The following TPR variants were observed in gnomAD, a reference collection of about 807,000 sequenced individuals.
The protein encoded by TPR is nucleoprotein TPR.
Under a neutral mutation model 316.1 loss-of-function variants are expected in TPR, and 51 were observed. That is an observed-to-expected ratio of 0.16 (90% CI 0.13 to 0.20). The LOEUF (loss-of-function observed/expected upper bound fraction) is 0.20, where lower values mean the gene tolerates loss of function less well. TPR is among the 10% of genes least tolerant of loss of function. The probability of loss-of-function intolerance (pLI) is 1.00; values close to 1 mark genes in which losing one functional copy is unlikely to be tolerated. For missense variants in TPR, 2,272 were observed against 2,754.8 expected, an observed-to-expected ratio of 0.82 and a Z score of 3.92; for synonymous variants, 981 against 914.7, an observed-to-expected ratio of 1.07 and a Z score of -1.31.
In TPR at chr1:186,347,444, T is replaced by C. The variant is rs762908529; in HGVS notation, c.2791A>G (p.Lys931Glu). 1.2e-6 allele frequency: 2 copies of C among 1,613,818 alleles called. No individual in the cohort carries two copies. The highest frequency in any genetic ancestry group is 2.7e-5 in the African/African-American group (2 of 74,932). ...CTCACAAGATCATCCACATCTTCTTTGTTGCTAGGCTGACCTAAAAGACAT... is the reference window on the plus strand; with the variant it reads ...CTCACAAGATCATCCACATCTTCTTCGTTGCTAGGCTGACCTAAAAGACAT... ...QRTGKGQPSN[K>E]EDVDDLVSQL... Residue 931 changes from lysine (K) to glutamate (E), a missense_variant, in exon 22 of 51, where the codon AAA becomes GAA. Lys to Glu is a moderately conservative substitution (Grantham distance 56, BLOSUM62 1). This residue lies in a region of TPR where 757 missense variants were observed against 859.8 expected (regional missense o/e 0.88). Transcript: ENST00000367478.
At position 186,312,158 on chromosome 1, in the gene TPR, ATTCT is replaced by A. The variant is rs749492772; in HGVS notation, c.*1809_*1812del. 6.2e-7 allele frequency: 1 copy of A among 1,609,484 alleles called. No homozygotes were observed. Among genetic ancestry groups the A allele is most frequent in the South Asian group, 1.1e-5 (1 of 90,986 alleles). On this transcript the variant is annotated 3_prime_UTR_variant, in exon 51 of 51. Transcript: ENST00000367478. ...AATTAATTTTCATTTTCCATGTGAT[ATTCT>A]AATACATAACAGGTGGCAGCATTCA...
chr1:186,326,710 T>C (rs1481845109), intron 40 of TPR, among the ~76,000 whole-genome samples: 4 of 151,286 alleles, frequency 2.6e-5, no homozygotes, highest in Non-Finnish European at 5.9e-5. Flanking sequence ...AAATGAACTA[T>C]GGGGCTCCAA....
intron 35 of TPR, 72 bp downstream of exon 35, chr1:186,334,996 A>C (rs890437645): frequency 6.8e-7 from 1 of 1,475,850 alleles, no homozygotes. Flanking sequence ...CTTTTTCCTA[A>C]ACAGAAAGAT....
chr1:186,365,269 T>C (rs1659310778), intron 4 of TPR, among the ~76,000 whole-genome samples: 1 of 152,104 alleles, frequency 6.6e-6, no homozygotes, highest in South Asian at 2.1e-4. Flanking sequence ...CTAATTTTTG[T>C]ATTTTTAGTA....
Position 186,362,321 on chromosome 1 carries a change from C to T in TPR, c.756G>A (p.Lys252=). 3 of 1,612,368 alleles carry T rather than the reference C, an allele frequency of 1.9e-6. No homozygotes were observed. The highest frequency in any genetic ancestry group is 1.7e-6 in the Non-Finnish European group (2 of 1,178,854). The change falls in exon 7 of 51, where the codon AAG becomes AAA. Residue 252 remains lysine (K), a synonymous_variant. Coordinates refer to ENST00000367478, the MANE Select transcript of TPR (RefSeq NM_003292.3). ...ATTTGGTCAACAGATCCTCCACATG[C>T]TTTTGAAGATGTTCATTTGATGTTT... is the stretch of plus-strand genomic sequence containing the variant. ...GLKTSNEHLQ[K]HVEDLLTKLK...
intron 40 of TPR, among the ~76,000 whole-genome samples, chr1:186,327,060 A>G (rs868641265): frequency 1.2e-4 from 1 of 8,482 alleles, no homozygotes; most frequent in Admixed American, 1.5e-3. Flanking sequence ...TAACATATAT[A>G]TTATATATAA....
At chr1:186,349,296 T>C (rs1658774358) in intron 21 of TPR, among the ~76,000 whole-genome samples, 2 of 152,120 alleles carry the variant, frequency 1.3e-5, no homozygotes, top group South Asian at 2.1e-4. Context: ...GCACCACAGG[T>C]TGAAAAACTG....
rs979302942 is a variant in TPR, at chr1:186,369,133, C to T, written c.331-1151G>A. Among the ~76,000 whole-genome samples, 3 of 152,210 alleles carry T rather than the reference C, an allele frequency of 2.0e-5. No individual in the cohort carries two copies. The South Asian group carries it at 6.2e-4, about 32-fold the overall frequency. On this transcript the variant is annotated intron_variant, in intron 3 of 50. Coordinates refer to ENST00000367478, the MANE Select transcript of TPR (RefSeq NM_003292.3). ...TTTCTGTTTTTATGTCAGTACTGTA[C>T]TATTTGGATTACTATAGTTTTATAA...
intron 39 of TPR, among the ~76,000 whole-genome samples, chr1:186,330,033 T>C (rs1473979769): frequency 6.6e-6 from 1 of 152,092 alleles, no homozygotes; most frequent in Non-Finnish European, 1.5e-5. Flanking sequence ...AGTTAATAAA[T>C]AAAAATTTCT....
chr1:186,355,527 T>A lies in TPR; in HGVS notation c.2054A>T (p.Glu685Val). The change falls in exon 17 of 51, where the codon GAA becomes GTA. Residue 685 changes from glutamate (E) to valine (V), a missense_variant. By Grantham distance (121) the Glu-to-Val change is moderately radical (BLOSUM62 -2). This residue lies in a region of TPR where 757 missense variants were observed against 859.8 expected (regional missense o/e 0.88). Coordinates refer to ENST00000367478, the MANE Select transcript of TPR (RefSeq NM_003292.3). ...LQEIFENYKK[E>V]KAENEKIQNE... ...TTGTATTTTTTCATTTTCTGCTTTT[T>A]CTTTTTTGTAGTTCTCAAAAATTTC... 6.2e-7 allele frequency: 1 copy of A among 1,612,704 alleles called. No individual in the cohort carries two copies. Among genetic ancestry groups the A allele is most frequent in the Non-Finnish European group, 8.5e-7 (1 of 1,179,784 alleles).
rs551451343 is a variant in TPR at position 186,346,887 on chromosome 1, T to C, written c.2943+405A>G. Among the ~76,000 whole-genome samples, 6 of 152,322 alleles carry C rather than the reference T, an allele frequency of 3.9e-5. No individual in the cohort carries two copies. In the South Asian group the frequency reaches 1.2e-3, roughly 32 times the overall value. On this transcript the variant is annotated intron_variant, in intron 22 of 50. Coordinates refer to ENST00000367478, the MANE Select transcript of TPR (RefSeq NM_003292.3). ...ATCCCCTCACTACTCACTTTACAAATTGTCATCTTCTGAAGACTTTCTACC... is the reference window on the plus strand; with the variant it reads ...ATCCCCTCACTACTCACTTTACAAACTGTCATCTTCTGAAGACTTTCTACC...
At position 186,338,247 on chromosome 1, in the gene TPR, T is replaced by TA. The variant is rs1558006429; in HGVS notation, c.4152-5dup. ...GTTAGTCAAAGATGCATTTGATCTT[T>TA]AAAAAATGGAGGAAAGAAGAAAGAT... On this transcript the variant is annotated splice_region_variant and splice_polypyrimidine_tract_variant and intron_variant, in intron 30 of 50. Coordinates refer to ENST00000367478, the MANE Select transcript of TPR (RefSeq NM_003292.3). 2.5e-6 allele frequency: 4 copies of TA among 1,590,376 alleles called. No homozygotes were observed. Among genetic ancestry groups the TA allele is most frequent in the Non-Finnish European group, 3.4e-6 (4 of 1,171,754 alleles).
In TPR at chr1:186,326,188, T is replaced by G; in HGVS notation, c.5937A>C (p.Thr1979=). Residue 1979 remains threonine (T), a synonymous_variant, in exon 41 of 51, where the codon ACA becomes ACC. Coordinates refer to ENST00000367478, the MANE Select transcript of TPR (RefSeq NM_003292.3). ...EEDDDDDEDD[T]GMGDEGEDSN... ...TATCTTCACCCTCATCTCCCATCCC[T>G]GTGTCATCTTCATCATCATCATCAT... The G allele has an allele frequency of 6.2e-7, 1 of 1,610,566 alleles. No individual in the cohort carries two copies. Among genetic ancestry groups the G allele is most frequent in the Non-Finnish European group, 8.5e-7 (1 of 1,177,008 alleles).
In TPR at chr1:186,313,095, C is replaced by A; in HGVS notation, c.*876G>T. The stretch of plus-strand genomic sequence containing the variant: ...GCACTGCAATTCAATTCTGCTCTAA[C>A]CTTCATGAGATTACGATAAAACATC... On this transcript the variant is annotated 3_prime_UTR_variant, in exon 51 of 51. Transcript: ENST00000367478. The A allele has an allele frequency of 1.7e-6, 1 of 582,046 alleles. No individual in the cohort carries two copies. Among genetic ancestry groups the A allele is most frequent in the South Asian group, 2.0e-5 (1 of 50,350 alleles). The allele number at this position is 582,046 out of a possible 1,614,324, so 36.1% of individuals were successfully genotyped here.
chr1:186,339,544 C>T, intron 30 of TPR, 98 bp downstream of exon 30: 2 of 1,070,668 alleles, frequency 1.9e-6, no homozygotes, highest in Non-Finnish European at 2.5e-6. Flanking sequence ...ACTTTCCATT[C>T]TTTCTAAAAC....
intron 43 of TPR, 90 bp from the exon 44 acceptor site, chr1:186,322,676 T>C (rs1657805346): frequency 7.6e-7 from 1 of 1,307,386 alleles, no homozygotes; most frequent in South Asian, 1.2e-5. Context: ...CTTATTACGC[T>C]GCCAACAAAA....
chr1:186,317,726 C>T lies in TPR; in HGVS notation c.6822-126G>A, dbSNP rs111995968. 208 of 780,780 alleles carry T rather than the reference C, an allele frequency of 2.7e-4. 2 individuals carry two copies. The African/African-American group carries it at 3.0e-3, about 11-fold the overall frequency. 48.4% of individuals were successfully genotyped at this position (780,780 alleles called of 1,614,324 possible). On this transcript the variant is annotated intron_variant, in intron 48 of 50. Coordinates refer to ENST00000367478, the MANE Select transcript of TPR (RefSeq NM_003292.3). ...GCTCCCTTAAACAAAAAATTATAGA[C>T]TGATTTGGTTACCATATATATTTTT...
intron 2 of TPR, among the ~76,000 whole-genome samples, chr1:186,371,852 A>C (rs1214507669): frequency 2.6e-5 from 4 of 152,160 alleles, no homozygotes; most frequent in Non-Finnish European, 5.9e-5. Flanking sequence ...GAGTATATAA[A>C]TACACACACA....
At position 186,352,070 on chromosome 1, in the gene TPR, T is replaced by G; in HGVS notation, c.2375A>C (p.Lys792Thr). ...ENLKKEKEML[K>T]LSEVRLSQQR... is the part of the protein sequence containing the mutation. ...CTGAGAAAGACGAACTTCAGACAAT[T>G]TAAGCATTTCCTTTTCCTTCTTCAA... The change falls in exon 19 of 51, where the codon AAA (lysine) becomes ACA (threonine). Residue 792 changes from lysine (K) to threonine (T), a missense_variant. By Grantham distance (78) the Lys-to-Thr change is moderately conservative. Transcript: ENST00000367478. 7 of 1,608,660 alleles carry G rather than the reference T, an allele frequency of 4.4e-6. No individual in the cohort carries two copies. The highest frequency in any genetic ancestry group is 5.9e-6 in the Non-Finnish European group (7 of 1,178,196).
Sources: allele counts gnomAD v4.1 joint callset (sites outside exome capture counted in the v4.1 genomes callset), GRCh38; gene constraint gnomAD v4.1.1; regional missense constraint gnomAD v4.1.1; transcripts MANE v1.5; gene names NCBI Gene and HGNC (gene_info 2026-07-23, HGNC 2026-07-21).